Variants in BDP1 observed in about 807,000 individuals in gnomAD.
BDP1 encodes the protein BDP1 general transcription factor IIIB subunit.
Under a neutral mutation model 266.6 loss-of-function variants are expected in BDP1, and 169 were observed. The ratio of observed to expected loss-of-function variants is 0.63; its 90% CI spans 0.56 to 0.72. BDP1 has a LOEUF of 0.72. Ranked by LOEUF, BDP1 falls within the 30% of genes least tolerant of loss-of-function variation. The pLI is 0.00. For synonymous variants in BDP1, 1,090 were observed against 1,022.4 expected (o/e 1.07, Z -1.26); for missense variants, 3,015 against 3,053.8 (o/e 0.99, Z 0.30).
chr5:71,575,738 A>G, the BDP1 span, among the ~76,000 whole-genome samples: 16 of 152,258 alleles, frequency 1.1e-4, no homozygotes, highest in Middle Eastern at 3.4e-3. Flanking sequence ...CTCATTATCA[A>G]TGGAGAGTTT....
chr5:71,537,640 GT>G, intron 26 of BDP1: 1 of 161,538 alleles, frequency 6.2e-6, no homozygotes. Context: ...TGATTTCTTG[GT>G]TAGCCACTTT....
chr5:71,548,419 G>A (rs1029559583), intron 32 of BDP1, among the ~76,000 whole-genome samples: 16 of 152,076 alleles, frequency 1.1e-4, no homozygotes, highest in African/African-American at 3.9e-4. Context: ...AAAGTTGTGG[G>A]GTTTGGGTCT....
intron 25 of BDP1, 51 bp from the exon 26 acceptor site, chr5:71,532,257 T>C: frequency 6.4e-7 from 1 of 1,560,014 alleles, no homozygotes; most frequent in South Asian, 1.2e-5. Context: ...GAGGCTTTGT[T>C]TTGCTGTTTA....
intron 26 of BDP1, among the ~76,000 whole-genome samples, chr5:71,533,995 G>A (rs1460629985): frequency 6.6e-6 from 1 of 152,152 alleles, no homozygotes; most frequent in East Asian, 1.9e-4. Context: ...CTAGATAAAA[G>A]TTGCTTAGCA....
intron 7 of BDP1, among the ~76,000 whole-genome samples, chr5:71,470,977 T>C (rs894078153): frequency 9.2e-5 from 14 of 151,880 alleles, no homozygotes; most frequent in African/African-American, 3.4e-4. Flanking sequence ...CTGATATGGG[T>C]ATAATCTTCT....
chr5:71,562,181 G>GT (rs1743705569), intron 37 of BDP1, 93 bp from the exon 38 acceptor site: 2 of 1,279,280 alleles, frequency 1.6e-6, no homozygotes, highest in East Asian at 5.2e-5. Flanking sequence ...CTGGGTGAGA[G>GT]TGAGACTGCG....
At chr5:71,525,098 A>G (rs192212659) in intron 25 of BDP1, among the ~76,000 whole-genome samples, 3,807 of 152,244 alleles carry the variant, frequency 0.025, 73 homozygotes, top group South Asian at 0.074. Context: ...CCCCCTTTCT[A>G]TTCCACAAAA....
rs1765223798 is a variant in BDP1 at position 71,516,380 on chromosome 5, A to AG, written c.4860+109_4860+110insG. 5.3e-6 allele frequency: 4 copies of AG among 759,288 alleles called. No homozygotes were observed. In the African/African-American group the frequency reaches 7.2e-5, roughly 14 times the overall value. 47.0% of individuals were successfully genotyped at this position (759,288 alleles called of 1,614,324 possible). A position where few individuals can be genotyped will look rare whatever the true frequency, so the allele number is the denominator to read the frequency against. ...AGGCATCTGACACTTATTCTACTCAATGAATACAGTTTCCAGTTTTGTTTC... is the reference window on the plus strand; with the variant it reads ...AGGCATCTGACACTTATTCTACTCAAGTGAATACAGTTTCCAGTTTTGTTTC... On this transcript the variant is annotated intron_variant, in intron 21 of 38. Coordinates refer to ENST00000358731, the MANE Select transcript of BDP1 (RefSeq NM_018429.3).
In BDP1 at chr5:71,539,070, A is replaced by G. The variant is rs769793943; in HGVS notation, c.5921A>G (p.Asp1974Gly). Residue 1974 changes from aspartate (D) to glycine (G), a missense_variant, in exon 27 of 39, where the codon GAT becomes GGT. Coordinates refer to ENST00000358731, the MANE Select transcript of BDP1 (RefSeq NM_018429.3). Reference protein sequence around the residue: ...FEMTTSEHIQDEPGTNDGSTE... With the variant: ...FEMTTSEHIQGEPGTNDGSTE... ...ATGACCACAAGTGAACATATCCAAG[A>G]TGAACCAGGTAACTGTTATCAAGGA... is the stretch of plus-strand genomic sequence containing the variant. 2 of 1,603,096 alleles carry G rather than the reference A, an allele frequency of 1.2e-6. No homozygotes were observed. The highest frequency in any genetic ancestry group is 2.7e-5 in the African/African-American group (2 of 74,734).
chr5:71,473,834 C>G (rs12110291), intron 7 of BDP1, among the ~76,000 whole-genome samples: 3 of 143,866 alleles, frequency 2.1e-5, no homozygotes, highest in African/African-American at 7.7e-5. Flanking sequence ...CCGCCCTCCC[C>G]CCACCCCACA....
chr5:71,577,186 G>A, the BDP1 span, among the ~76,000 whole-genome samples: 1 of 151,934 alleles, frequency 6.6e-6, no homozygotes, highest in Non-Finnish European at 1.5e-5. Flanking sequence ...ATCTGTCTGA[G>A]CCATGGGCTG....
rs1283431290 is a variant in BDP1 at position 71,539,600 on chromosome 5, A to G, written c.5973A>G (p.Thr1991=). 1.9e-6 allele frequency: 3 copies of G among 1,612,570 alleles called. No individual in the cohort carries two copies. Among genetic ancestry groups the G allele is most frequent in the African/African-American group, 1.3e-5 (1 of 74,688 alleles). The change falls in exon 28 of 39, where the codon ACA becomes ACG. Residue 1991 remains threonine, a synonymous_variant. Transcript: ENST00000358731. ...CCGAAGCTGCAATAACTTTACTTACAATGGGAGATCTAGTATTGCAGTCAG... is the reference window on the plus strand; with the variant it reads ...CCGAAGCTGCAATAACTTTACTTACGATGGGAGATCTAGTATTGCAGTCAG... ...GSTEAAITLL[T]MGDLVLQSEI...
chr5:71,527,636 T>C (rs570469798), intron 25 of BDP1, among the ~76,000 whole-genome samples: 2 of 152,302 alleles, frequency 1.3e-5, no homozygotes, highest in East Asian at 3.9e-4. Flanking sequence ...ATTGTGTGTG[T>C]GTATCATGTT....
chr5:71,523,568 C>T (rs1241464032), intron 24 of BDP1, among the ~76,000 whole-genome samples: 1 of 152,184 alleles, frequency 6.6e-6, no homozygotes, highest in Non-Finnish European at 1.5e-5. Flanking sequence ...CCTGCCTCGT[C>T]CTCCCAAAGT....
intron 7 of BDP1, among the ~76,000 whole-genome samples, chr5:71,473,262 A>ATTTTTTTTTTTTTTTTTTT (rs869174435): frequency 1.7e-5 from 1 of 59,962 alleles, no homozygotes; most frequent in African/African-American, 6.9e-5. Context: ...TCTTAATGTA[A>ATTTTTTTTTTTTTTTTTTT]TTTTTTTTTT....
At position 71,564,790 on chromosome 5, in the gene BDP1, A is replaced by G. The variant is rs1204223075; in HGVS notation, c.7780A>G (p.Lys2594Glu). 1.2e-6 allele frequency: 2 copies of G among 1,610,722 alleles called. No homozygotes were observed. The highest frequency in any genetic ancestry group is 4.4e-4 in the Middle Eastern group (2 of 4,518). Reference sequence around the variant, plus strand: ...TCAGCCCTTACTGAAAGAAGGATATAAAAGTGCCCAAAAGCGGGCCCCTCA... The same window carrying G: ...TCAGCCCTTACTGAAAGAAGGATATGAAAGTGCCCAAAAGCGGGCCCCTCA... Reference protein sequence around the residue: ...CDQPLLKEGYKSAQKRAPQGE... With the variant: ...CDQPLLKEGYESAQKRAPQGE... Residue 2594 changes from lysine to glutamate, a missense_variant, in exon 39 of 39, where the codon AAA (lysine) becomes GAA (glutamate). Lys to Glu is a moderately conservative substitution (Grantham distance 56, BLOSUM62 1). Transcript: ENST00000358731.
chr5:71,522,652 T>C, intron 23 of BDP1, 104 bp from the exon 24 acceptor site: 1 of 1,230,156 alleles, frequency 8.1e-7, no homozygotes. Context: ...AACCAACTGC[T>C]TGTAGATATG....
At chr5:71,468,364 A>G (rs1187986211) in intron 6 of BDP1, among the ~76,000 whole-genome samples, 3 of 151,958 alleles carry the variant, frequency 2.0e-5, no homozygotes, top group African/African-American at 7.3e-5. Flanking sequence ...TATGTTGCCC[A>G]GGCTGGTCTC....
intron 11 of BDP1, among the ~76,000 whole-genome samples, chr5:71,493,860 T>G (rs1763734043): frequency 6.6e-6 from 1 of 152,238 alleles, no homozygotes; most frequent in Admixed American, 6.5e-5. Flanking sequence ...TAGAACTAAC[T>G]TCATTAGATT....
Sources: gnomAD v4.1 joint callset for allele counts (sites outside exome capture counted in the v4.1 genomes callset) on GRCh38, gnomAD v4.1.1 for gene constraint, MANE v1.5 for transcripts, NCBI Gene and HGNC (gene_info 2026-07-23, HGNC 2026-07-21) for gene names.